Variants in HHLA2 observed in about 807,000 individuals in gnomAD.
The protein encoded by HHLA2 is HHLA2 member of B7 family.
HHLA2 carries 48 observed loss-of-function variants against 45.9 expected under a neutral mutation model. That is an observed-to-expected ratio of 1.05 (90% CI 0.83 to 1.33). The LOEUF is 1.33. HHLA2 is among the 40% of genes most tolerant of loss of function. The probability of loss-of-function intolerance (pLI) is 0.00; values close to 1 mark genes in which losing one functional copy is unlikely to be tolerated. For synonymous variants in HHLA2, 161 were observed against 173.9 expected (o/e 0.93, Z 0.59); for missense variants, 462 against 494.3 (o/e 0.93, Z 0.62).
intron 1 of HHLA2, among the ~76,000 whole-genome samples, chr3:108,300,194 T>A (rs2080827419): frequency 6.6e-6 from 1 of 151,998 alleles, no homozygotes; most frequent in African/African-American, 2.4e-5. Context: ...GCACAGAACC[T>A]GGGAGAGACA....
chr3:108,364,515 G>A (rs1325827073), intron 8 of HHLA2, among the ~76,000 whole-genome samples: 2 of 152,186 alleles, frequency 1.3e-5, no homozygotes, highest in Non-Finnish European at 2.9e-5. Context: ...ACCCAGTAAT[G>A]GGATTGCTGG....
chr3:108,321,614 C>G (rs2081204061), intron 2 of HHLA2, among the ~76,000 whole-genome samples: 1 of 152,058 alleles, frequency 6.6e-6, no homozygotes, highest in Admixed American at 6.6e-5. Context: ...TCTGAAATTT[C>G]AAAATGGAGT....
intron 3 of HHLA2, among the ~76,000 whole-genome samples, chr3:108,351,479 C>T (rs1025604007): frequency 6.6e-6 from 1 of 152,182 alleles, no homozygotes; most frequent in Middle Eastern, 3.2e-3. Flanking sequence ...TAATAGCAGT[C>T]ACTGCTTCAG....
At chr3:108,306,189 TCTC>T (rs2080925615) in intron 1 of HHLA2, among the ~76,000 whole-genome samples, 1 of 152,204 alleles carries the variant, frequency 6.6e-6, no homozygotes, top group Non-Finnish European at 1.5e-5. Flanking sequence ...GTTGGAAAGT[TCTC>T]CTCACTTCTG....
intron 3 of HHLA2, among the ~76,000 whole-genome samples, chr3:108,343,984 T>C (rs2081618825): frequency 6.6e-6 from 1 of 152,232 alleles, no homozygotes; most frequent in African/African-American, 2.4e-5. Flanking sequence ...GTTCACTGTA[T>C]CATTGTAGAG....
intron 1 of HHLA2, among the ~76,000 whole-genome samples, chr3:108,303,569 C>T (rs1553749393): frequency 6.6e-6 from 1 of 152,094 alleles, no homozygotes; most frequent in Non-Finnish European, 1.5e-5. Flanking sequence ...TAATATAAAA[C>T]ATATAATTAT....
At chr3:108,373,056 T>A (rs1324004589) in intron 8 of HHLA2, among the ~76,000 whole-genome samples, 2 of 152,196 alleles carry the variant, frequency 1.3e-5, no homozygotes, top group African/African-American at 4.8e-5. Context: ...ATATCCTTGA[T>A]GAACATTGAT....
intron 7 of HHLA2, among the ~76,000 whole-genome samples, chr3:108,360,887 A>C (rs147673303): frequency 1.8e-3 from 268 of 152,342 alleles, no homozygotes; most frequent in African/African-American, 6.1e-3. Flanking sequence ...ATATTTTATT[A>C]GTTGTAAAAC....
chr3:108,313,892 A>G (rs1010351254), intron 2 of HHLA2, among the ~76,000 whole-genome samples: 1 of 152,170 alleles, frequency 6.6e-6, no homozygotes, highest in African/African-American at 2.4e-5. Flanking sequence ...CCGAGCATAC[A>G]TCTTTCAGGG....
At chr3:108,303,072 C>T (rs2080875889) in intron 1 of HHLA2, among the ~76,000 whole-genome samples, 2 of 152,132 alleles carry the variant, frequency 1.3e-5, no homozygotes, top group African/African-American at 4.8e-5. Context: ...CTGCTTAATT[C>T]AGTTATGTCT....
At chr3:108,366,176 T>C (rs2082060191) in intron 8 of HHLA2, among the ~76,000 whole-genome samples, 2 of 152,064 alleles carry the variant, frequency 1.3e-5, no homozygotes, top group Non-Finnish European at 1.5e-5. Flanking sequence ...TTATTGAGAG[T>C]TTTTAGCATG....
At chr3:108,353,869 C>A in intron 5 of HHLA2, 89 bp downstream of exon 4, 1 of 900,912 alleles carries the variant, frequency 1.1e-6, no homozygotes, top group Non-Finnish European at 1.7e-6. Flanking sequence ...CCATGAGCTT[C>A]CTTCCAAGTC....
At chr3:108,316,820 G>A (rs2107329481) in intron 2 of HHLA2, among the ~76,000 whole-genome samples, 1 of 152,096 alleles carries the variant, frequency 6.6e-6, no homozygotes, top group African/African-American at 2.4e-5. Context: ...CCCTATGTCA[G>A]TTCACGAAAA....
intron 4 of HHLA2, 28 bp downstream of exon 3, chr3:108,351,905 G>C: frequency 4.1e-6 from 6 of 1,455,768 alleles, no homozygotes; most frequent in Non-Finnish European, 5.8e-6. Context: ...ACAAGTGTTA[G>C]TTATTTGCAT....
At chr3:108,343,087 A>T (rs2107426697) in intron 3 of HHLA2, among the ~76,000 whole-genome samples, 1 of 152,316 alleles carries the variant, frequency 6.6e-6, no homozygotes, top group African/African-American at 2.4e-5. Flanking sequence ...GGCAGCAAGG[A>T]TGTTAAAACT....
chr3:108,336,939 A>G (rs1400784348), intron 3 of HHLA2, among the ~76,000 whole-genome samples: 1 of 151,970 alleles, frequency 6.6e-6, no homozygotes, highest in Admixed American at 6.6e-5. Context: ...TTGATGTGTC[A>G]TGACTTAGCG....
intron 3 of HHLA2, among the ~76,000 whole-genome samples, chr3:108,339,573 A>ATATAAT (rs569425343): frequency 0.04 from 6,094 of 151,948 alleles, 178 homozygotes; most frequent in Non-Finnish European, 0.054. Flanking sequence ...ATATATATAT[A>ATATAAT]TGTAATGCAT....
At chr3:108,337,709 T>C (rs1253384217) in intron 3 of HHLA2, among the ~76,000 whole-genome samples, 3 of 152,120 alleles carry the variant, frequency 2.0e-5, no homozygotes, top group Non-Finnish European at 4.4e-5. Flanking sequence ...GGAATTTGAT[T>C]GGAACTGAGT....
At chr3:108,337,752 G>T (rs1425328647) in intron 3 of HHLA2, among the ~76,000 whole-genome samples, 1 of 152,080 alleles carries the variant, frequency 6.6e-6, no homozygotes, top group African/African-American at 2.4e-5. Flanking sequence ...AGTGTCCAGG[G>T]TTCCTGTGTT....
Sources: allele counts gnomAD v4.1 joint callset (sites outside exome capture counted in the v4.1 genomes callset), GRCh38; gene constraint gnomAD v4.1.1; transcripts MANE v1.5; gene names NCBI Gene and HGNC (gene_info 2026-07-23, HGNC 2026-07-21).